Variants in NREP observed in about 807,000 individuals in gnomAD.
The protein encoded by NREP is neuronal regeneration related protein.
A neutral mutation model predicts 8.6 loss-of-function variants in NREP; 5 were observed. That is an observed-to-expected ratio of 0.58 (90% CI 0.30 to 1.22). The LOEUF (loss-of-function observed/expected upper bound fraction) is 1.22, where lower values mean the gene tolerates loss of function less well. Among genes scored for constraint, NREP ranks in the 50% most tolerant of loss-of-function variants. The pLI, the probability that NREP is intolerant of heterozygous loss-of-function variation, is 0.07. For synonymous variants in NREP, 27 were observed against 28.0 expected, an observed-to-expected ratio of 0.96 and a Z score of 0.11; for missense variants, 86 against 82.5, an observed-to-expected ratio of 1.04 and a Z score of -0.17.
chr5:111,852,007 G>A (rs1753321646), intron 2 of NREP, among the ~76,000 whole-genome samples: 1 of 152,130 alleles, frequency 6.6e-6, no homozygotes, highest in African/African-American at 2.4e-5. Flanking sequence ...ACCCCCCATT[G>A]TGGTAGTAGT....
chr5:111,959,997 A>G (rs1756436778), intron 2 of NREP, among the ~76,000 whole-genome samples: 1 of 152,164 alleles, frequency 6.6e-6, no homozygotes, highest in South Asian at 2.1e-4. Flanking sequence ...GACAGCTGCC[A>G]GTTTAAGACA....
At chr5:111,955,475 A>AC (rs1561366768) in intron 2 of NREP, among the ~76,000 whole-genome samples, 2 of 123,754 alleles carry the variant, frequency 1.6e-5, no homozygotes, top group African/African-American at 5.4e-5. Context: ...TACAGAAAAA[A>AC]AAAAAACAAA....
At chr5:111,765,576 C>G (rs1751061900) in intron 2 of NREP, among the ~76,000 whole-genome samples, 2 of 152,210 alleles carry the variant, frequency 1.3e-5, no homozygotes, top group African/African-American at 2.4e-5. Flanking sequence ...GTTAAGCCAC[C>G]ACATTACTTA....
intron 2 of NREP, among the ~76,000 whole-genome samples, chr5:111,862,394 C>G (rs746903568): frequency 1.5e-4 from 23 of 152,246 alleles, no homozygotes; most frequent in Admixed American, 2.6e-4. Context: ...GAAAAGGAAG[C>G]TGTAACTCTT....
intron 2 of NREP, among the ~76,000 whole-genome samples, chr5:111,858,521 T>G (rs1753474445): frequency 6.6e-6 from 1 of 152,012 alleles, no homozygotes; most frequent in Non-Finnish European, 1.5e-5. Context: ...ACATAAGAAT[T>G]TAGCCTGTAA....
At chr5:111,879,339 T>C (rs768320239) in intron 2 of NREP, among the ~76,000 whole-genome samples, 3 of 152,174 alleles carry the variant, frequency 2.0e-5, no homozygotes, top group Non-Finnish European at 4.4e-5. Context: ...TCTAGGAAGA[T>C]CAGATAAAGC....
At chr5:111,807,667 A>T (rs1247871165) in intron 2 of NREP, among the ~76,000 whole-genome samples, 1 of 152,218 alleles carries the variant, frequency 6.6e-6, no homozygotes, top group Non-Finnish European at 1.5e-5. Flanking sequence ...CTTAGAAAAA[A>T]AAACCAGATT....
rs1233061185 is a variant in NREP, at chr5:111,827,344, T to G, written c.136-91837A>C. On this transcript the variant is annotated intron_variant, in intron 2 of 3. Transcript: ENST00000395634. ...AACCAACATGTTACACCAGAAGGGT[T>G]GTTTGGGGCTACTAATATTTTCTTA... Among the ~76,000 whole-genome samples the G allele has an allele frequency of 2.0e-5, 3 of 152,202 alleles. No individual in the cohort carries two copies. In the South Asian group the frequency reaches 6.2e-4, roughly 31 times the overall value.
At chr5:111,894,368 C>T (rs1321271231) in intron 2 of NREP, among the ~76,000 whole-genome samples, 5 of 151,726 alleles carry the variant, frequency 3.3e-5, no homozygotes, top group African/African-American at 7.3e-5. Context: ...AAAAAACTGG[C>T]CTCTTTTAAG....
At chr5:111,779,088 T>C (rs1751430664) in intron 2 of NREP, among the ~76,000 whole-genome samples, 2 of 152,210 alleles carry the variant, frequency 1.3e-5, no homozygotes, top group African/African-American at 4.8e-5. Context: ...TGAAAATTTA[T>C]TTGAAATATA....
intron 2 of NREP, among the ~76,000 whole-genome samples, chr5:111,865,747 A>C (rs1230186729): frequency 6.6e-6 from 1 of 152,150 alleles, no homozygotes; most frequent in African/African-American, 2.4e-5. Flanking sequence ...AATTGCATGG[A>C]AACTCCACAG....
intron 2 of NREP, among the ~76,000 whole-genome samples, chr5:111,823,481 A>G (rs949243553): frequency 6.6e-6 from 1 of 152,208 alleles, no homozygotes; most frequent in African/African-American, 2.4e-5. Context: ...TATCTTTATC[A>G]ATATACTTTT....
At chr5:111,873,528 G>A (rs754037905) in intron 2 of NREP, among the ~76,000 whole-genome samples, 6 of 152,152 alleles carry the variant, frequency 3.9e-5, no homozygotes, top group Non-Finnish European at 5.9e-5. Context: ...ACTGAAGGCT[G>A]TTCTCAGTTT....
intron 2 of NREP, among the ~76,000 whole-genome samples, chr5:111,741,991 C>G (rs1749709588): frequency 6.6e-6 from 1 of 152,216 alleles, no homozygotes; most frequent in East Asian, 1.9e-4. Context: ...CCTGCTGACA[C>G]TCCTTGAGTT....
At chr5:111,905,621 C>A (rs1428376165) in intron 2 of NREP, among the ~76,000 whole-genome samples, 2 of 152,028 alleles carry the variant, frequency 1.3e-5, no homozygotes, top group Admixed American at 6.6e-5. Context: ...TTTAATTTCA[C>A]AAGACAGCAA....
intron 2 of NREP, among the ~76,000 whole-genome samples, chr5:111,911,083 T>C (rs1754899178): frequency 6.6e-6 from 1 of 152,020 alleles, no homozygotes; most frequent in African/African-American, 2.4e-5. Flanking sequence ...TACCCAGTGA[T>C]CTCAATAACA....
chr5:111,881,140 G>C (rs192813881), intron 2 of NREP, among the ~76,000 whole-genome samples: 7 of 152,146 alleles, frequency 4.6e-5, no homozygotes, highest in East Asian at 1.9e-4. Context: ...GTGCTTTTCC[G>C]ACAGGCTTAA....
Position 111,873,572 on chromosome 5 carries a change from C to T in NREP, c.135+101702G>A, listed in dbSNP as rs141263530. Among the ~76,000 whole-genome samples, 40 of 152,284 alleles carry T rather than the reference C, an allele frequency of 2.6e-4. No homozygotes were observed. In the East Asian group the frequency reaches 5.2e-3, roughly 20 times the overall value. On this transcript the variant is annotated intron_variant, in intron 2 of 3. Coordinates refer to the NREP transcript ENST00000395634. Reference sequence around the variant, plus strand: ...TACCTGCATTCCTTGGCTCCTGGCCCCTTCCTCCATCTTCAAAGCAAGCAA... The same window carrying T: ...TACCTGCATTCCTTGGCTCCTGGCCTCTTCCTCCATCTTCAAAGCAAGCAA...
rs560001233 is a variant in NREP at position 111,847,844 on chromosome 5, C to T, written c.136-112337G>A. Reference sequence around the variant, plus strand: ...CAAAGTTTTTATTCATATCCATAAGCTAGCCAAAACCACTGGTTGTATCAA... The same window carrying T: ...CAAAGTTTTTATTCATATCCATAAGTTAGCCAAAACCACTGGTTGTATCAA... On this transcript the variant is annotated intron_variant, in intron 2 of 3. Coordinates refer to the NREP transcript ENST00000395634. 4.6e-5 allele frequency among the ~76,000 whole-genome samples: 7 copies of T among 152,294 alleles called. No individual in the cohort carries two copies. In the East Asian group the frequency reaches 1.3e-3, roughly 29 times the overall value.
Sources: gnomAD v4.1 joint callset for allele counts (sites outside exome capture counted in the v4.1 genomes callset) on GRCh38, gnomAD v4.1.1 for gene constraint, MANE v1.5 for transcripts, NCBI Gene and HGNC (gene_info 2026-07-23, HGNC 2026-07-21) for gene names.